CCDC85C: variants seen among roughly 807,000 people sequenced by gnomAD.
CCDC85C encodes coiled-coil domain-containing protein 85C.
In CCDC85C, 18 loss-of-function variants were observed where a neutral mutation model predicts 38.3. The observed-to-expected ratio is 0.47, with a 90% confidence interval of 0.33 to 0.70. CCDC85C has a LOEUF of 0.70. Among genes scored for constraint, CCDC85C ranks in the 30% least tolerant of loss-of-function variants. The pLI is 0.03. For synonymous variants in CCDC85C, 264 were observed against 293.8 expected, an observed-to-expected ratio of 0.90 and a Z score of 1.04; for missense variants, 566 against 621.2, an observed-to-expected ratio of 0.91 and a Z score of 0.94.
Position 99,516,376 on chromosome 14 carries a change from T to A in CCDC85C, c.1072-90A>T. ...GCCCCTGATCCTCAGCCTCCCCTGC[T>A]GCGAACCAAAGCTGAGGACCCTGAG... On this transcript the variant is annotated intron_variant, in intron 4 of 5. Transcript: ENST00000380243. This position sits in a 1 kb window ranked among gnomAD's most constrained non-coding sequence, Gnocchi z 5.5. 1 of 971,476 alleles carries A rather than the reference T, an allele frequency of 1.0e-6. No homozygotes were observed. Among genetic ancestry groups the A allele is most frequent in the South Asian group, 1.4e-5 (1 of 70,930 alleles). The allele number at this position is 971,476 out of a possible 1,614,324, so 60.2% of individuals were successfully genotyped here. A position where few individuals can be genotyped will look rare whatever the true frequency, so the allele number is the denominator to read the frequency against.
At position 99,520,168 on chromosome 14, in the gene CCDC85C, A is replaced by G. The variant is rs1392831346; in HGVS notation, c.975+1965T>C. Among the ~76,000 whole-genome samples the G allele has an allele frequency of 6.6e-6, 1 of 152,094 alleles. No individual in the cohort carries two copies. Among genetic ancestry groups the G allele is most frequent in the East Asian group, 1.9e-4 (1 of 5,186 alleles). On this transcript the variant is annotated intron_variant, in intron 3 of 5. Transcript: ENST00000380243. This position sits in a 1 kb window ranked among gnomAD's most constrained non-coding sequence, Gnocchi z 4.1. ...CCAGCATGCCCTCAATGTGCCCATG[A>G]CCCACAGGTAGCCTTAAAGGAGACT...
intron 1 of CCDC85C, among the ~76,000 whole-genome samples, chr14:99,540,786 G>A (rs942992189): frequency 2.3e-4 from 35 of 152,314 alleles, no homozygotes; most frequent in Admixed American, 9.8e-4. Flanking sequence ...CCCTCTTCAT[G>A]GATCCCTTGC....
rs1031742021 is a variant in CCDC85C, at chr14:99,516,162, C to T, written c.1170+26G>A. 1 of 1,539,358 alleles carries T rather than the reference C, an allele frequency of 6.5e-7. No individual in the cohort carries two copies. ...TGGTCGCACTCCCAGTGCCAAGCCT[C>T]TGCCCCCCACCCCTGGAAGCCTCAC... On this transcript the variant is annotated intron_variant, in intron 5 of 5. Transcript: ENST00000380243. This position sits in a 1 kb window ranked among gnomAD's most constrained non-coding sequence, Gnocchi z 5.5.
At chr14:99,563,354 C>A (rs1898154805) in intron 1 of CCDC85C, among the ~76,000 whole-genome samples, 1 of 152,278 alleles carries the variant, frequency 6.6e-6, no homozygotes, top group Non-Finnish European at 1.5e-5. Flanking sequence ...GCAGCCTCTG[C>A]AAGGCAATCG....
intron 3 of CCDC85C, among the ~76,000 whole-genome samples, chr14:99,521,156 A>C (rs1897298329): frequency 1.3e-5 from 2 of 152,240 alleles, no homozygotes; most frequent in African/African-American, 4.8e-5. Flanking sequence ...ATGAAGACTA[A>C]GGAGCCAGCC....
intron 5 of CCDC85C, 145 bp from the exon 6 acceptor site, chr14:99,515,480 G>C (rs1056779129): frequency 8.0e-6 from 5 of 624,762 alleles, no homozygotes; most frequent in South Asian, 7.4e-5. Context: ...TGCAGGCCCA[G>C]AGACACCCAC....
intron 3 of CCDC85C, among the ~76,000 whole-genome samples, chr14:99,519,432 C>A (rs1897274050): frequency 6.6e-6 from 1 of 151,984 alleles, no homozygotes; most frequent in Non-Finnish European, 1.5e-5. Flanking sequence ...GCCCACTTTA[C>A]AGACAAGGAG....
At chr14:99,566,958 C>A (rs912351209) in intron 1 of CCDC85C, among the ~76,000 whole-genome samples, 6 of 152,200 alleles carry the variant, frequency 3.9e-5, no homozygotes, top group African/African-American at 1.4e-4. Flanking sequence ...AGCATAACAT[C>A]CAGTACACCC....
At position 99,520,272 on chromosome 14, in the gene CCDC85C, T is replaced by TC. The variant is rs1897283768; in HGVS notation, c.975+1860dup. ...CCCTCTCTGGATAACCCCCTCACTC[T>TC]CCCCGGGGGTCCAAGTGCCAGACAT... On this transcript the variant is annotated intron_variant, in intron 3 of 5. Coordinates refer to ENST00000380243, the MANE Select transcript of CCDC85C (RefSeq NM_001144995.2). The surrounding 1 kb of genome is among the most constrained non-coding windows in gnomAD (Gnocchi z 4.1). 6.6e-6 allele frequency among the ~76,000 whole-genome samples: 1 copy of TC among 151,924 alleles called. No individual in the cohort carries two copies. Among genetic ancestry groups the TC allele is most frequent in the African/African-American group, 2.4e-5 (1 of 41,354 alleles).
chr14:99,600,958 G>GA (rs2055192245), intron 1 of CCDC85C, among the ~76,000 whole-genome samples: 1 of 152,222 alleles, frequency 6.6e-6, no homozygotes, highest in African/African-American at 2.4e-5. Flanking sequence ...CTGGGAGGTT[G>GA]AGGCTGTAGT....
Position 99,501,293 on chromosome 14 carries a change from T to TA in CCDC85C, c.*13952dup. 1 of 1,065,944 alleles carries TA rather than the reference T, an allele frequency of 9.4e-7. No individual in the cohort carries two copies. Among genetic ancestry groups the TA allele is most frequent in the Non-Finnish European group, 1.5e-6 (1 of 683,434 alleles). The allele number at this position is 1,065,944 out of a possible 1,614,324, so 66.0% of individuals were successfully genotyped here. A position where few individuals can be genotyped will look rare whatever the true frequency, so the allele number is the denominator to read the frequency against. ...GAACACGTGGTAGGTTTTTAATAAA[T>TA]ACTTGATGCTGCCTGTGAATTTTTC... On this transcript the variant is annotated 3_prime_UTR_variant, in exon 6 of 6. Coordinates refer to ENST00000380243, the MANE Select transcript of CCDC85C (RefSeq NM_001144995.2).
intron 2 of CCDC85C, among the ~76,000 whole-genome samples, chr14:99,525,876 G>A (rs543744630): frequency 6.6e-6 from 1 of 152,214 alleles, no homozygotes; most frequent in South Asian, 2.1e-4. Flanking sequence ...GATGGGTGGG[G>A]ACCTGCGAGG....
rs75011806 is a variant in CCDC85C, at chr14:99,530,304, G to A, written c.867+5711C>T. 9.7e-3 allele frequency among the ~76,000 whole-genome samples: 1,478 copies of A among 152,260 alleles called. 20 individuals are homozygous for A. The highest frequency in any genetic ancestry group is 0.033 in the African/African-American group (1,385 of 41,558). ...GACTCTGAGGTTCAACTAAGGAAGC[G>A]TTTAAAGTCCTCCAGAGACCCAAAG... On this transcript the variant is annotated intron_variant, in intron 2 of 5. Transcript: ENST00000380243.
chr14:99,510,065 C>G lies in CCDC85C; in HGVS notation c.*5181G>C. The G allele has an allele frequency of 2.3e-6, 3 of 1,321,916 alleles. No homozygotes were observed. The highest frequency in any genetic ancestry group is 2.0e-6 in the Non-Finnish European group (2 of 979,348). The allele number at this position is 1,321,916 out of a possible 1,614,324, so 81.9% of individuals were successfully genotyped here. On this transcript the variant is annotated 3_prime_UTR_variant, in exon 6 of 6. Coordinates refer to ENST00000380243, the MANE Select transcript of CCDC85C (RefSeq NM_001144995.2). The stretch of plus-strand genomic sequence containing the variant: ...AGGAGGCGGGCAGCTGCTCCCTGCT[C>G]CTCTGTAAAGATGGCCCTGAAGGGC...
chr14:99,569,365 G>A lies in CCDC85C; in HGVS notation c.794-33277C>T, dbSNP rs745963239. On this transcript the variant is annotated intron_variant, in intron 1 of 5. Coordinates refer to ENST00000380243, the MANE Select transcript of CCDC85C (RefSeq NM_001144995.2). This position sits in a 1 kb window ranked among gnomAD's most constrained non-coding sequence, Gnocchi z 4.3. ...TGCTGGGCCAGTGGGGTGTGTGCTC[G>A]GCTCCACCAGACAGTATTCCAAAGG... Among the ~76,000 whole-genome samples the A allele has an allele frequency of 8.5e-5, 13 of 152,118 alleles. No individual in the cohort carries two copies. The highest frequency in any genetic ancestry group is 1.3e-4 in the Non-Finnish European group (9 of 68,022).
At chr14:99,560,692 C>G (rs564421898) in intron 1 of CCDC85C, among the ~76,000 whole-genome samples, 25 of 152,370 alleles carry the variant, frequency 1.6e-4, no homozygotes, top group Non-Finnish European at 3.5e-4. Context: ...CGCCTCCTCC[C>G]TGCTGCCCCA....
rs2055051587 is a variant in CCDC85C, at chr14:99,588,590, G to T, written c.793+14577C>A. ...GATGGCGCTGGCCCGGGAGGCCTGA[G>T]GAAGCGAGCTGGGGAGAGGGAAGCC... is the stretch of plus-strand genomic sequence containing the variant. On this transcript the variant is annotated intron_variant, in intron 1 of 5. Transcript: ENST00000380243. This position sits in a 1 kb window ranked among gnomAD's most constrained non-coding sequence, Gnocchi z 5.0. 6.6e-6 allele frequency among the ~76,000 whole-genome samples: 1 copy of T among 152,144 alleles called. No individual in the cohort carries two copies. Among genetic ancestry groups the T allele is most frequent in the South Asian group, 2.1e-4 (1 of 4,826 alleles).
At chr14:99,594,896 G>C (rs2055127257) in intron 1 of CCDC85C, among the ~76,000 whole-genome samples, 2 of 152,222 alleles carry the variant, frequency 1.3e-5, no homozygotes, top group African/African-American at 4.8e-5. Context: ...CTCAGGCCCA[G>C]CAGGTGATGT....
intron 1 of CCDC85C, among the ~76,000 whole-genome samples, chr14:99,584,498 A>G (rs1271763574): frequency 6.6e-6 from 1 of 152,126 alleles, no homozygotes; most frequent in African/African-American, 2.4e-5. Flanking sequence ...CCTTGCACAG[A>G]GACCAAAGAA....
Sources: allele counts gnomAD v4.1 joint callset (sites outside exome capture counted in the v4.1 genomes callset), GRCh38; gene constraint gnomAD v4.1.1; non-coding constraint Gnocchi (gnomAD v3.1); transcripts MANE v1.5; gene names NCBI Gene and HGNC (gene_info 2026-07-23, HGNC 2026-07-21).